The following EEFSEC variants were observed in gnomAD, a reference collection of about 807,000 sequenced individuals.
EEFSEC encodes selenocysteine-specific elongation factor.
EEFSEC carries 43 observed loss-of-function variants against 42.1 expected under a neutral mutation model. The ratio of observed to expected loss-of-function variants is 1.02; its 90% CI spans 0.80 to 1.32. The LOEUF (loss-of-function observed/expected upper bound fraction) is 1.32, where lower values mean the gene tolerates loss of function less well. Ranked by LOEUF, EEFSEC falls within the 40% of genes most tolerant of loss-of-function variation. The pLI is 0.00. For synonymous variants in EEFSEC, 354 were observed against 339.1 expected (o/e 1.04, Z -0.48); for missense variants, 745 against 803.6 (o/e 0.93, Z 0.88).
chr3:128,336,624 G>T (rs2067192748), intron 4 of EEFSEC, among the ~76,000 whole-genome samples: 1 of 152,170 alleles, frequency 6.6e-6, no homozygotes, highest in Admixed American at 6.5e-5. Flanking sequence ...TCTTCCCTCT[G>T]CCTGGAATCC....
At chr3:128,240,490 T>C (rs2066058559) in intron 1 of EEFSEC, among the ~76,000 whole-genome samples, 1 of 152,224 alleles carries the variant, frequency 6.6e-6, no homozygotes, top group African/African-American at 2.4e-5. Flanking sequence ...GTCTTTAAAA[T>C]GACCCTCTTG....
chr3:128,386,324 C>G (rs1401040732), intron 6 of EEFSEC, among the ~76,000 whole-genome samples: 1 of 152,128 alleles, frequency 6.6e-6, no homozygotes, highest in Non-Finnish European at 1.5e-5. Flanking sequence ...TACCTATGCC[C>G]TGAAAACGTT....
At chr3:128,161,243 A>G (rs531558255) in intron 1 of EEFSEC, among the ~76,000 whole-genome samples, 7 of 152,290 alleles carry the variant, frequency 4.6e-5, no homozygotes, top group African/African-American at 1.4e-4. Flanking sequence ...TACAACTTCA[A>G]AAAGATTCAG....
At chr3:128,362,005 A>T (rs2067531726) in intron 6 of EEFSEC, among the ~76,000 whole-genome samples, 1 of 152,206 alleles carries the variant, frequency 6.6e-6, no homozygotes, top group Admixed American at 6.5e-5. Context: ...GGCTTTGCCC[A>T]CGGTCTGTCT....
intron 1 of EEFSEC, among the ~76,000 whole-genome samples, chr3:128,210,262 G>A (rs1331243507): frequency 1.3e-5 from 2 of 152,200 alleles, no homozygotes. Flanking sequence ...CTCCTGGAGA[G>A]GTCATAGCAG....
At chr3:128,423,259 C>T in the EEFSEC span, among the ~76,000 whole-genome samples, 2 of 152,124 alleles carry the variant, frequency 1.3e-5, no homozygotes, top group African/African-American at 4.8e-5. Flanking sequence ...TGAATGGATA[C>T]ACAAAATATC....
intron 4 of EEFSEC, among the ~76,000 whole-genome samples, chr3:128,320,347 A>G (rs2066993614): frequency 6.6e-6 from 1 of 152,244 alleles, no homozygotes; most frequent in South Asian, 2.1e-4. Flanking sequence ...CATTTTATTG[A>G]TGATAAAATA....
chr3:128,249,847 T>G (rs777207475), intron 2 of EEFSEC, among the ~76,000 whole-genome samples: 5 of 152,202 alleles, frequency 3.3e-5, no homozygotes, highest in Non-Finnish European at 7.4e-5. Flanking sequence ...TGGTAGACAC[T>G]TGGGTTGCTT....
chr3:128,360,713 C>A (rs965119656), intron 6 of EEFSEC, among the ~76,000 whole-genome samples: 1 of 149,616 alleles, frequency 6.7e-6, no homozygotes, highest in African/African-American at 2.5e-5. Context: ...GTGGAGGGAG[C>A]CTCTCGGGGT....
At chr3:128,267,943 T>G (rs1479802629) in intron 4 of EEFSEC, among the ~76,000 whole-genome samples, 1 of 152,106 alleles carries the variant, frequency 6.6e-6, no homozygotes, top group Non-Finnish European at 1.5e-5. Context: ...ACTTGACAAA[T>G]GAATAAAAAG....
At chr3:128,182,878 C>CGGG (rs1262106998) in intron 1 of EEFSEC, among the ~76,000 whole-genome samples, 3 of 4,584 alleles carry the variant, frequency 6.5e-4, no homozygotes, top group African/African-American at 1.8e-3. Flanking sequence ...CCACAGAGAT[C>CGGG]GGGGCGGGGG....
intron 1 of EEFSEC, among the ~76,000 whole-genome samples, chr3:128,178,398 A>G (rs1266077989): frequency 1.3e-5 from 2 of 152,216 alleles, no homozygotes; most frequent in African/African-American, 4.8e-5. Flanking sequence ...CCTAAAGATC[A>G]TTCTTCATGA....
chr3:128,297,644 C>T (rs193160121), intron 4 of EEFSEC, among the ~76,000 whole-genome samples: 98 of 152,314 alleles, frequency 6.4e-4, no homozygotes, highest in Non-Finnish European at 1.2e-3. Context: ...TGGGAGGGCT[C>T]CAGCAGAGCT....
intron 1 of EEFSEC, among the ~76,000 whole-genome samples, chr3:128,244,092 C>T (rs2066101686): frequency 6.6e-6 from 1 of 152,170 alleles, no homozygotes; most frequent in Non-Finnish European, 1.5e-5. Context: ...AGAGGGAGGC[C>T]TGTGGGGCCA....
intron 4 of EEFSEC, among the ~76,000 whole-genome samples, chr3:128,282,645 C>T (rs1346991906): frequency 6.6e-6 from 1 of 152,184 alleles, no homozygotes; most frequent in East Asian, 1.9e-4. Flanking sequence ...GGAAGCTGCC[C>T]ATTTCACCGG....
At position 128,196,788 on chromosome 3, in the gene EEFSEC, C is replaced by T. The variant is rs143356638; in HGVS notation, c.316+42965C>T. ...GCCTCTGGAACCTCAGTCTCCTTGT[C>T]TGCAGAAGGGAGACTGAATGACAGT... On this transcript the variant is annotated intron_variant, in intron 1 of 6. Coordinates refer to ENST00000254730, the MANE Select transcript of EEFSEC (RefSeq NM_021937.5). Among the ~76,000 whole-genome samples, 696 of 152,336 alleles carry T rather than the reference C, an allele frequency of 4.6e-3. 4 individuals are homozygous for T. Among genetic ancestry groups the T allele is most frequent in the African/African-American group, 0.015 (612 of 41,564 alleles).
chr3:128,191,519 G>A (rs755764225), intron 1 of EEFSEC, among the ~76,000 whole-genome samples: 1 of 152,000 alleles, frequency 6.6e-6, no homozygotes, highest in Non-Finnish European at 1.5e-5. Flanking sequence ...CAATTCAGTG[G>A]CATTAAGTAG....
chr3:128,239,652 T>G (rs1258607376), intron 1 of EEFSEC, among the ~76,000 whole-genome samples: 1 of 152,232 alleles, frequency 6.6e-6, no homozygotes, highest in East Asian at 1.9e-4. Context: ...ATGCCCTCCC[T>G]CTGGGCTGTC....
At chr3:128,384,740 A>G (rs2067818431) in intron 6 of EEFSEC, among the ~76,000 whole-genome samples, 1 of 152,204 alleles carries the variant, frequency 6.6e-6, no homozygotes, top group Admixed American at 6.5e-5. Flanking sequence ...AACTTCATTC[A>G]GCCGCTGTTT....
Sources: gnomAD v4.1 joint callset for allele counts (sites outside exome capture counted in the v4.1 genomes callset) on GRCh38, gnomAD v4.1.1 for gene constraint, MANE v1.5 for transcripts, NCBI Gene and HGNC (gene_info 2026-07-23, HGNC 2026-07-21) for gene names.